Variants in CACNA2D4 observed in about 807,000 individuals in gnomAD.
The protein encoded by CACNA2D4 is calcium voltage-gated channel auxiliary subunit alpha2delta 4, also known as voltage-dependent calcium channel subunit alpha-2/delta-4.
In CACNA2D4, 157 loss-of-function variants were observed where a neutral mutation model predicts 163.8. That is an observed-to-expected ratio of 0.96 (90% confidence interval 0.84 to 1.09). CACNA2D4 has a LOEUF of 1.09. CACNA2D4 is among the 50% of genes least tolerant of loss of function. CACNA2D4 has a pLI of 0.00. For missense variants in CACNA2D4, 1,410 were observed against 1,479.9 expected (o/e 0.95, Z 0.78); for synonymous variants, 598 against 586.9 (o/e 1.02, Z -0.27).
At chr12:1,888,296 A>AG (rs1401877080) in intron 6 of CACNA2D4, among the ~76,000 whole-genome samples, 1 of 152,200 alleles carries the variant, frequency 6.6e-6, no homozygotes, top group Non-Finnish European at 1.5e-5. Context: ...GTCCTGGATG[A>AG]GGGTACCCTC....
In CACNA2D4 at chr12:1,831,441, C is replaced by A. The variant is rs772785639; in HGVS notation, c.2551+9298G>T. The A allele has an allele frequency of 1.2e-6, 2 of 1,614,174 alleles. No individual in the cohort carries two copies. Among genetic ancestry groups the A allele is most frequent in the Admixed American group, 3.3e-5 (2 of 60,030 alleles). ...ATTTGAACCCCTAGCAAACCTGCAG[C>A]TGCTGCAGGTCGGGGATAACCCCTG... On this transcript the variant is annotated intron_variant, in intron 26 of 37. Coordinates refer to ENST00000382722, the MANE Select transcript of CACNA2D4 (RefSeq NM_172364.5).
Position 1,799,587 on chromosome 12 carries a change from G to T in CACNA2D4, c.2995+88C>A. ...TCAGCCCTGCTTGGGGTCATTCCTG[G>T]GACAGGTCATGGAGGGTGGGTTCTT... On this transcript the variant is annotated intron_variant, in intron 34 of 37. Coordinates refer to ENST00000382722, the MANE Select transcript of CACNA2D4 (RefSeq NM_172364.5). The surrounding 1 kb of genome is among the most constrained non-coding windows in gnomAD (Gnocchi z 4.7). 7.2e-7 allele frequency: 1 copy of T among 1,391,836 alleles called. No homozygotes were observed. The highest frequency in any genetic ancestry group is 1.2e-5 in the South Asian group (1 of 80,172). The allele number at this position is 1,391,836 out of a possible 1,614,324, so 86.2% of individuals were successfully genotyped here. A position where few individuals can be genotyped will look rare whatever the true frequency, so the allele number is the denominator to read the frequency against.
rs533172617 is a variant in CACNA2D4 at position 1,817,809 on chromosome 12, G to C, written c.2552-6086C>G. Among the ~76,000 whole-genome samples the C allele has an allele frequency of 3.7e-3, 564 of 152,208 alleles. 2 individuals are homozygous for C. Among genetic ancestry groups the C allele is most frequent in the African/African-American group, 0.013 (528 of 41,444 alleles). On this transcript the variant is annotated intron_variant, in intron 26 of 37. Transcript: ENST00000382722. The stretch of plus-strand genomic sequence containing the variant: ...TGCTCAATGGTGCCCAGGCTGGAGT[G>C]CAGTGGCGTGATCTCGGCTCGCTAC...
chr12:1,901,807 T>C (rs971224878), intron 6 of CACNA2D4, among the ~76,000 whole-genome samples: 5 of 152,010 alleles, frequency 3.3e-5, no homozygotes, highest in African/African-American at 1.2e-4. Flanking sequence ...CTCAAACTAT[T>C]ATGAAAAATA....
chr12:1,914,920 A>G lies in CACNA2D4; in HGVS notation c.243T>C (p.Ala81=). The stretch of plus-strand genomic sequence containing the variant: ...TATACAGGTCCCCGCCGAAGGTGTC[A>G]GCCCATAGCTTCACTCTGCCAGGCA... The part of the protein sequence containing the change: ...KIPLETVKLW[A]DTFGGDLYNT... The change falls in exon 2 of 38, where the codon GCT becomes GCC. Residue 81 remains alanine (A), a synonymous_variant. Transcript: ENST00000382722. 6.2e-7 allele frequency: 1 copy of G among 1,613,416 alleles called. No individual in the cohort carries two copies. Among genetic ancestry groups the G allele is most frequent in the Non-Finnish European group, 8.5e-7 (1 of 1,179,352 alleles).
intron 26 of CACNA2D4, among the ~76,000 whole-genome samples, chr12:1,830,136 C>A (rs1039373947): frequency 6.6e-6 from 1 of 152,236 alleles, no homozygotes; most frequent in African/African-American, 2.4e-5. Flanking sequence ...GGAACAGAAG[C>A]CCAGGCTGAG....
At chr12:1,867,422 T>C (rs555707200) in intron 18 of CACNA2D4, among the ~76,000 whole-genome samples, 2 of 152,314 alleles carry the variant, frequency 1.3e-5, no homozygotes, top group African/African-American at 2.4e-5. Context: ...GGTTTTTAAA[T>C]TGGATAATTT....
intron 23 of CACNA2D4, 77 bp downstream of exon 23, chr12:1,853,874 G>A (rs1865341933): frequency 1.8e-6 from 2 of 1,140,218 alleles, no homozygotes; most frequent in South Asian, 1.3e-5. Context: ...CCAGCCAGAT[G>A]GTGAGAGGGG....
chr12:1,816,915 A>G (rs1032293565), intron 26 of CACNA2D4, among the ~76,000 whole-genome samples: 1 of 152,226 alleles, frequency 6.6e-6, no homozygotes, highest in Non-Finnish European at 1.5e-5. Context: ...ACATGCACAC[A>G]TACGTACACA....
rs60739615 is a variant in CACNA2D4, at chr12:1,802,015, CTGTGTGTGTGTG to C, written c.2722-383_2722-372del. Among the ~76,000 whole-genome samples, 5,188 of 144,242 alleles carry C rather than the reference CTGTGTGTGTGTG, an allele frequency of 0.036. 102 individuals are homozygous for C. The highest frequency in any genetic ancestry group is 0.1 in the Middle Eastern group (29 of 286). 94.6% of individuals were successfully genotyped at this position (144,242 alleles called of 152,430 possible). ...TATGAAACTGGATTTGTTTTATATG[CTGTGTGTGTGTG>C]TGTGTGTGTGTGTGTGTGTGTGTGT... On this transcript the variant is annotated intron_variant, in intron 29 of 37. Coordinates refer to ENST00000382722, the MANE Select transcript of CACNA2D4 (RefSeq NM_172364.5). The surrounding 1 kb of genome is among the most constrained non-coding windows in gnomAD (Gnocchi z 4.7).
Position 1,813,095 on chromosome 12 carries a change from G to A in CACNA2D4, c.2552-1372C>T, listed in dbSNP as rs117365745. Among the ~76,000 whole-genome samples, 971 of 152,288 alleles carry A rather than the reference G, an allele frequency of 6.4e-3. 21 individuals carry two copies. Among genetic ancestry groups the A allele is most frequent in the Admixed American group, 0.04 (610 of 15,292 alleles). ...TCCAGGGTTGTGATCTTTGCGTTTCGTCTCCTCAGCTGCAAGATGAGTCAC... is the reference window on the plus strand; with the variant it reads ...TCCAGGGTTGTGATCTTTGCGTTTCATCTCCTCAGCTGCAAGATGAGTCAC... On this transcript the variant is annotated intron_variant, in intron 26 of 37. Transcript: ENST00000382722.
At chr12:1,854,168 A>G in intron 22 of CACNA2D4, 124 bp from the exon 23 acceptor site, 2 of 643,152 alleles carry the variant, frequency 3.1e-6, no homozygotes, top group Non-Finnish European at 5.0e-6. Flanking sequence ...ATGTAAAACT[A>G]TCTCTGTGAG....
In CACNA2D4 at chr12:1,829,601, G is replaced by A. The variant is rs35951631; in HGVS notation, c.2551+11138C>T. On this transcript the variant is annotated intron_variant, in intron 26 of 37. Coordinates refer to ENST00000382722, the MANE Select transcript of CACNA2D4 (RefSeq NM_172364.5). This position sits in a 1 kb window ranked among gnomAD's most constrained non-coding sequence, Gnocchi z 4.2. ...GCAGGGAAGGGGAGAGTCTCATCCTGTTCCTTCAAGCTCCACCCTTTGGGA... is the reference window on the plus strand; with the variant it reads ...GCAGGGAAGGGGAGAGTCTCATCCTATTCCTTCAAGCTCCACCCTTTGGGA... 0.094 allele frequency among the ~76,000 whole-genome samples: 14,266 copies of A among 151,862 alleles called. 836 individuals carry two copies. The highest frequency in any genetic ancestry group is 0.13 in the Non-Finnish European group (8,680 of 67,870).
In CACNA2D4 at chr12:1,800,004, G is replaced by A. The variant is rs367684783; in HGVS notation, c.2970C>T (p.Ala990=). The change falls in exon 33 of 38, where the codon GCC becomes GCT. Residue 990 remains alanine, a synonymous_variant. Transcript: ENST00000382722. ...CCTGCAGCTCCGTGCACTCACCCTCGGCCCCTCTGTCGTACCAGGAGCCCC... is the reference window on the plus strand; with the variant it reads ...CCTGCAGCTCCGTGCACTCACCCTCAGCCCCTCTGTCGTACCAGGAGCCCC... ...SVWGSWYDRG[A]EAKSVFHHSH... is the part of the protein sequence containing the mutation. 34 of 1,603,702 alleles carry A rather than the reference G, an allele frequency of 2.1e-5. No homozygotes were observed. Among genetic ancestry groups the A allele is most frequent in the East Asian group, 6.8e-5 (3 of 44,266 alleles).
intron 35 of CACNA2D4, 96 bp from the exon 36 acceptor site, chr12:1,795,876 G>A: frequency 1.2e-6 from 1 of 837,456 alleles, no homozygotes; most frequent in South Asian, 1.4e-5. Context: ...TGGAGTTAGG[G>A]TGGCAGGGAA....
intron 6 of CACNA2D4, among the ~76,000 whole-genome samples, chr12:1,904,017 G>A (rs1866598580): frequency 6.6e-6 from 1 of 151,976 alleles, no homozygotes. Context: ...TGTGGTACAT[G>A]TATACAATGG....
At chr12:1,865,269 G>T (rs1007548823) in intron 18 of CACNA2D4, among the ~76,000 whole-genome samples, 2 of 152,242 alleles carry the variant, frequency 1.3e-5, no homozygotes, top group African/African-American at 4.8e-5. Flanking sequence ...CTCGCTGTTC[G>T]TGCGGACCTG....
rs936069332 is a variant in CACNA2D4 at position 1,828,990 on chromosome 12, C to T, written c.2551+11749G>A. On this transcript the variant is annotated intron_variant, in intron 26 of 37. Coordinates refer to ENST00000382722, the MANE Select transcript of CACNA2D4 (RefSeq NM_172364.5). The surrounding 1 kb of genome is among the most constrained non-coding windows in gnomAD (Gnocchi z 4.2). ...CGGGACGGCATTCCGCCTGACTTCC[C>T]GCTCTGATCCAGCACCCAACACGGG... 5.9e-5 allele frequency among the ~76,000 whole-genome samples: 9 copies of T among 152,234 alleles called. No homozygotes were observed. The highest frequency in any genetic ancestry group is 3.3e-4 in the Admixed American group (5 of 15,288).
rs763275937 is a variant in CACNA2D4, at chr12:1,879,868, T to C, written c.1499A>G (p.Gln500Arg). 1.0e-5 allele frequency: 16 copies of C among 1,598,746 alleles called. No homozygotes were observed. In the South Asian group the frequency reaches 1.5e-4, roughly 15 times the overall value. Reference sequence around the variant, plus strand: ...GGTGAGCAGTGTCAGGCTCTGAGCCTGCGAGCTGAGGAGCTGTAAGGGAGG... The same window carrying C: ...GGTGAGCAGTGTCAGGCTCTGAGCCCGCGAGCTGAGGAGCTGTAAGGGAGG... The part of the protein sequence containing the change: ...AYMDSKLLSS[Q>R]AQSLTLLTTV... The change falls in exon 14 of 38, where the codon CAG becomes CGG. Residue 500 changes from glutamine (Q) to arginine (R), a missense_variant. Physicochemically the swap from Gln to Arg is conservative, Grantham distance 43. Coordinates refer to ENST00000382722, the MANE Select transcript of CACNA2D4 (RefSeq NM_172364.5).
Sources: allele counts gnomAD v4.1 joint callset (sites outside exome capture counted in the v4.1 genomes callset), GRCh38; gene constraint gnomAD v4.1.1; non-coding constraint Gnocchi (gnomAD v3.1); transcripts MANE v1.5; gene names NCBI Gene and HGNC (gene_info 2026-07-23, HGNC 2026-07-21).